The following LRRC7 variants were observed in gnomAD, a reference collection of about 807,000 sequenced individuals.
LRRC7 encodes the protein leucine rich repeat containing 7.
A neutral mutation model predicts 175.7 loss-of-function variants in LRRC7; 23 were observed. The ratio of observed to expected loss-of-function variants is 0.13; its 90% CI spans 0.09 to 0.19. LRRC7 has a LOEUF of 0.19. LRRC7 is among the 10% of genes least tolerant of loss of function. The probability of loss-of-function intolerance (pLI) is 1.00; values close to 1 mark genes in which losing one functional copy is unlikely to be tolerated. For synonymous variants in LRRC7, 685 were observed against 680.9 expected (o/e 1.01, Z -0.09); for missense variants, 1,354 against 1,904.7 (o/e 0.71, Z 5.38).
chr1:69,994,927 A>T (rs578092243), intron 11 of LRRC7, among the ~76,000 whole-genome samples: 1 of 152,208 alleles, frequency 6.6e-6, no homozygotes, highest in East Asian at 1.9e-4. Flanking sequence ...TATTTTTCAG[A>T]TATTATTAGT....
At chr1:69,776,448 C>T (rs965093657) in intron 3 of LRRC7, among the ~76,000 whole-genome samples, 2 of 152,022 alleles carry the variant, frequency 1.3e-5, no homozygotes, top group Non-Finnish European at 2.9e-5. Flanking sequence ...TGAAATAAAT[C>T]TTTTGCAGAT....
intron 5 of LRRC7, among the ~76,000 whole-genome samples, chr1:69,832,897 G>C (rs1028490577): frequency 2.0e-5 from 3 of 152,140 alleles, no homozygotes; most frequent in Non-Finnish European, 4.4e-5. Context: ...CTGAGGTCAG[G>C]AGTTTGAGAC....
chr1:69,568,070 C>G lies in LRRC7; in HGVS notation c.-570C>G, dbSNP rs1458418094. Among the ~76,000 whole-genome samples the G allele has an allele frequency of 6.6e-6, 1 of 152,146 alleles. No individual in the cohort carries two copies. Among genetic ancestry groups the G allele is most frequent in the African/African-American group, 2.4e-5 (1 of 41,442 alleles). On this transcript the variant is annotated 5_prime_UTR_variant, in exon 1 of 27. Transcript: ENST00000651989. ...AGCCGCCCACTCGGGCCACCGCCAC[C>G]GCCTCCTGCAGTTGCGGAGCGCTCA...
intron 3 of LRRC7, among the ~76,000 whole-genome samples, chr1:69,766,876 T>C (rs1302362595): frequency 1.3e-5 from 2 of 152,200 alleles, no homozygotes; most frequent in Non-Finnish European, 2.9e-5. Context: ...CACTGTCTTT[T>C]TTTCTTAAAA....
At chr1:69,813,651 CT>C (rs1379299067) in intron 4 of LRRC7, among the ~76,000 whole-genome samples, 7 of 152,086 alleles carry the variant, frequency 4.6e-5, no homozygotes, top group African/African-American at 1.7e-4. Flanking sequence ...CATATAATTA[CT>C]TTAGAATACA....
chr1:69,678,751 C>A (rs900574688), intron 2 of LRRC7, among the ~76,000 whole-genome samples: 1 of 152,056 alleles, frequency 6.6e-6, no homozygotes, highest in African/African-American at 2.4e-5. Context: ...TACAGTCTGA[C>A]AGATCTTTCT....
Position 69,717,770 on chromosome 1 carries a change from A to AAAAGAAAG in LRRC7, c.100+39356_100+39363dup, listed in dbSNP as rs754971717. Among the ~76,000 whole-genome samples the AAAAGAAAG allele has an allele frequency of 8.5e-4, 36 of 42,414 alleles. 2 individuals are homozygous for AAAAGAAAG. Among genetic ancestry groups the AAAAGAAAG allele is most frequent in the East Asian group, 5.6e-3 (10 of 1,778 alleles). The allele number at this position is 42,414 out of a possible 152,430, so 27.8% of individuals were successfully genotyped here. On this transcript the variant is annotated intron_variant, in intron 2 of 26. Coordinates refer to ENST00000651989, the MANE Select transcript of LRRC7 (RefSeq NM_001370785.2). ...GATATTGGAACATGAAAAAAAGAAA[A>AAAAGAAAG]AAAGAAAGAAAGAAAGAAAGAAAGA...
At chr1:70,104,497 T>TTTC (rs2102206101) in intron 25 of LRRC7, among the ~76,000 whole-genome samples, 1 of 152,300 alleles carries the variant, frequency 6.6e-6, no homozygotes, top group Admixed American at 6.5e-5. Flanking sequence ...CAGTCATTGC[T>TTTC]TTCTGCTTGG....
rs1203505995 is a variant in LRRC7, at chr1:70,138,401, T to G, written c.*16514T>G. 2 of 152,226 alleles carry G rather than the reference T, an allele frequency of 1.3e-5. No individual in the cohort carries two copies. Among genetic ancestry groups the G allele is most frequent in the Non-Finnish European group, 2.9e-5 (2 of 68,034 alleles). 9.4% of individuals were successfully genotyped at this position (152,226 alleles called of 1,614,324 possible). On this transcript the variant is annotated 3_prime_UTR_variant, in exon 27 of 27. Transcript: ENST00000651989. ...GCCTACTACACAGACATCATTATTC[T>G]ACTTAAAAGTCTTTTTTTAAAATTC...
At chr1:69,768,471 C>A (rs1212035077) in intron 3 of LRRC7, among the ~76,000 whole-genome samples, 1 of 152,150 alleles carries the variant, frequency 6.6e-6, no homozygotes, top group Non-Finnish European at 1.5e-5. Flanking sequence ...TCAGCCTGGA[C>A]AAAATTTTAA....
intron 26 of LRRC7, among the ~76,000 whole-genome samples, chr1:70,114,111 G>A (rs1022191536): frequency 1.4e-4 from 22 of 151,928 alleles, no homozygotes; most frequent in African/African-American, 5.1e-4. Context: ...TTAAAATGAA[G>A]TGTTGGACCC....
chr1:69,661,001 C>T (rs1384168281), intron 1 of LRRC7, among the ~76,000 whole-genome samples: 1 of 151,572 alleles, frequency 6.6e-6, no homozygotes, highest in East Asian at 1.9e-4. Flanking sequence ...TAGATATGCA[C>T]AAAAGAAGCC....
chr1:69,645,922 T>C (rs1654941233), intron 1 of LRRC7, among the ~76,000 whole-genome samples: 2 of 152,140 alleles, frequency 1.3e-5, no homozygotes, highest in Non-Finnish European at 2.9e-5. Flanking sequence ...TTTTTTCTTG[T>C]TCCAGATTGC....
chr1:69,607,414 A>G (rs945462825), intron 1 of LRRC7: 1 of 152,142 alleles, frequency 6.6e-6, no homozygotes, highest in African/African-American at 2.4e-5. Context: ...GCTAAAAATG[A>G]CAGGCCCCTC....
intron 7 of LRRC7, among the ~76,000 whole-genome samples, chr1:69,880,732 A>G (rs1686512697): frequency 6.6e-6 from 1 of 152,164 alleles, no homozygotes. Context: ...AAGGACTTTC[A>G]TCAGAGTGTA....
At chr1:69,581,318 G>A (rs1209784903) in intron 1 of LRRC7, among the ~76,000 whole-genome samples, 1 of 152,166 alleles carries the variant, frequency 6.6e-6, no homozygotes, top group African/African-American at 2.4e-5. Flanking sequence ...CAGTGAGCTG[G>A]ACAATAAATT....
chr1:69,653,394 G>A (rs866026371), intron 1 of LRRC7, among the ~76,000 whole-genome samples: 2 of 151,824 alleles, frequency 1.3e-5, no homozygotes, highest in South Asian at 2.1e-4. Flanking sequence ...ACTAATAATC[G>A]GGGAAATGCA....
chr1:70,011,855 A>G lies in LRRC7; in HGVS notation c.1063A>G (p.Thr355Ala), dbSNP rs1455859609. The change falls in exon 12 of 27, where the codon ACT (threonine) becomes GCT (alanine). Residue 355 changes from threonine (T) to alanine (A), a missense_variant. Physicochemically the swap from Thr to Ala is moderately conservative, Grantham distance 58 (BLOSUM62 0). Transcript: ENST00000651989. ...TAATGAACTGGAGTCACTACCTTCT[A>G]CTATTGGCTACCTTCATAGTCTTCG... ...SCNELESLPS[T>A]IGYLHSLRTL... The G allele has an allele frequency of 3.8e-6, 6 of 1,586,806 alleles. No individual in the cohort carries two copies. Among genetic ancestry groups the G allele is most frequent in the Non-Finnish European group, 5.2e-6 (6 of 1,155,746 alleles).
chr1:69,705,423 C>T (rs926545221), intron 2 of LRRC7, among the ~76,000 whole-genome samples: 1 of 152,020 alleles, frequency 6.6e-6, no homozygotes, highest in South Asian at 2.1e-4. Context: ...GATGTGTAAT[C>T]CTTCTGTTGA....
Sources: gnomAD v4.1 joint callset for allele counts (sites outside exome capture counted in the v4.1 genomes callset) on GRCh38, gnomAD v4.1.1 for gene constraint, MANE v1.5 for transcripts, NCBI Gene and HGNC (gene_info 2026-07-23, HGNC 2026-07-21) for gene names.